The following EPHA6 variants were observed in gnomAD, a reference collection of about 807,000 sequenced individuals.
EPHA6 encodes EPH receptor A6.
Under a neutral mutation model 112.0 loss-of-function variants are expected in EPHA6, and 50 were observed. That is an observed-to-expected ratio of 0.45 (90% CI 0.36 to 0.56). EPHA6 has a LOEUF of 0.56. Among genes scored for constraint, EPHA6 ranks in the 20% least tolerant of loss-of-function variants. The pLI, the probability that EPHA6 is intolerant of heterozygous loss-of-function variation, is 0.00. For synonymous variants in EPHA6, 529 were observed against 490.7 expected (o/e 1.08, Z -1.03); for missense variants, 1,280 against 1,417.4 (o/e 0.90, Z 1.56).
chr3:97,289,629 A>G (rs1241502353), intron 5 of EPHA6, among the ~76,000 whole-genome samples: 1 of 151,966 alleles, frequency 6.6e-6, no homozygotes, highest in Non-Finnish European at 1.5e-5. Flanking sequence ...AGGAATAACA[A>G]TGAATCTGTA....
chr3:97,361,179 C>T (rs549780102), intron 5 of EPHA6, among the ~76,000 whole-genome samples: 4 of 152,274 alleles, frequency 2.6e-5, no homozygotes, highest in East Asian at 3.9e-4. Flanking sequence ...TCTAGGCAGC[C>T]GGCCTCATTA....
intron 4 of EPHA6, among the ~76,000 whole-genome samples, chr3:97,229,193 T>C (rs936276465): frequency 1.3e-5 from 2 of 152,222 alleles, no homozygotes; most frequent in Non-Finnish European, 2.9e-5. Context: ...GATTATTTCT[T>C]TTGCTGTGTG....
intron 3 of EPHA6, among the ~76,000 whole-genome samples, chr3:97,099,832 C>T (rs548551852): frequency 6.6e-6 from 1 of 152,110 alleles, no homozygotes; most frequent in South Asian, 2.1e-4. Context: ...CAAAGTCCCA[C>T]AGCTGACTAC....
chr3:97,355,374 A>G (rs561941474), intron 5 of EPHA6, among the ~76,000 whole-genome samples: 70 of 152,316 alleles, frequency 4.6e-4, no homozygotes, highest in African/African-American at 1.7e-3. Flanking sequence ...CAGGAGAGAT[A>G]AAGTTAGAGT....
chr3:97,149,774 T>G (rs563029942), intron 3 of EPHA6, among the ~76,000 whole-genome samples: 1 of 151,392 alleles, frequency 6.6e-6, no homozygotes, highest in Non-Finnish European at 1.5e-5. Flanking sequence ...TCAAATTTAT[T>G]ATCATTTTAA....
At chr3:97,543,311 A>C (rs995079763) in intron 11 of EPHA6, among the ~76,000 whole-genome samples, 1 of 152,100 alleles carries the variant, frequency 6.6e-6, no homozygotes, top group African/African-American at 2.4e-5. Context: ...CTTTCTACAT[A>C]TGGCTAGCCA....
intron 5 of EPHA6, among the ~76,000 whole-genome samples, chr3:97,313,796 C>A (rs1256122477): frequency 6.6e-6 from 1 of 151,474 alleles, no homozygotes; most frequent in Non-Finnish European, 1.5e-5. Context: ...CAGAGGTATT[C>A]TTTGCAAATA....
chr3:97,617,246 C>A (rs2093774495), intron 13 of EPHA6, among the ~76,000 whole-genome samples: 1 of 152,072 alleles, frequency 6.6e-6, no homozygotes, highest in Admixed American at 6.6e-5. Context: ...TCATCACCAC[C>A]AGACCTGTCT....
At chr3:96,835,052 A>G (rs1331694256) in intron 1 of EPHA6, among the ~76,000 whole-genome samples, 2 of 152,076 alleles carry the variant, frequency 1.3e-5, no homozygotes, top group Non-Finnish European at 2.9e-5. Flanking sequence ...ACAACACTTC[A>G]AAAACTGACA....
intron 10 of EPHA6, among the ~76,000 whole-genome samples, chr3:97,491,768 C>T (rs1222462727): frequency 6.6e-6 from 1 of 151,980 alleles, no homozygotes; most frequent in Non-Finnish European, 1.5e-5. Flanking sequence ...CACATAATGT[C>T]GGCCCTGTGA....
chr3:97,341,395 G>GC (rs1194450304), intron 5 of EPHA6, among the ~76,000 whole-genome samples: 3 of 150,354 alleles, frequency 2.0e-5, no homozygotes, highest in African/African-American at 7.4e-5. Context: ...TTGCTCTGTC[G>GC]CCAGGCTGGA....
chr3:97,286,469 C>T (rs1457250812), intron 5 of EPHA6, among the ~76,000 whole-genome samples: 1 of 152,076 alleles, frequency 6.6e-6, no homozygotes, highest in African/African-American at 2.4e-5. Flanking sequence ...TCCAGTTTTC[C>T]CAGCACTATT....
At chr3:97,337,714 C>G (rs1049312849) in intron 5 of EPHA6, among the ~76,000 whole-genome samples, 4 of 152,128 alleles carry the variant, frequency 2.6e-5, no homozygotes, top group Non-Finnish European at 5.9e-5. Flanking sequence ...ATGAGTCCAT[C>G]AGCCCCGAAA....
At chr3:97,471,688 C>T (rs866638915) in intron 7 of EPHA6, among the ~76,000 whole-genome samples, 2 of 151,658 alleles carry the variant, frequency 1.3e-5, no homozygotes, top group South Asian at 2.1e-4. Flanking sequence ...GGTAAATCTT[C>T]CCCACATATC....
At chr3:97,237,748 ATATTTCTCTT>A (rs2078723637) in intron 4 of EPHA6, among the ~76,000 whole-genome samples, 1 of 151,928 alleles carries the variant, frequency 6.6e-6, no homozygotes, top group African/African-American at 2.4e-5. Flanking sequence ...CGGATTTTTC[ATATTTCTCTT>A]TCCATTTCTA....
chr3:97,752,798 A>G lies in EPHA6; in HGVS notation c.*4097A>G, dbSNP rs1277237458. ...GAAGTTTATTATTAATATTTTAAAA[A>G]TTAGTATTTTAAGATCAATATCTGT... is the stretch of plus-strand genomic sequence containing the variant. On this transcript the variant is annotated 3_prime_UTR_variant, in exon 18 of 18. Coordinates refer to ENST00000389672, the MANE Select transcript of EPHA6 (RefSeq NM_001080448.3). Among the ~76,000 whole-genome samples, 3 of 152,016 alleles carry G rather than the reference A, an allele frequency of 2.0e-5. No homozygotes were observed. Among genetic ancestry groups the G allele is most frequent in the Non-Finnish European group, 2.9e-5 (2 of 67,952 alleles).
At chr3:97,518,983 C>T (rs1577648511) in intron 10 of EPHA6, among the ~76,000 whole-genome samples, 1 of 152,164 alleles carries the variant, frequency 6.6e-6, no homozygotes, top group East Asian at 1.9e-4. Flanking sequence ...CTTTGCTGTG[C>T]AGAGCTTTTT....
intron 7 of EPHA6, among the ~76,000 whole-genome samples, chr3:97,471,389 A>G (rs945241311): frequency 6.6e-6 from 1 of 151,688 alleles, no homozygotes; most frequent in African/African-American, 2.4e-5. Context: ...CTGAAAATCC[A>G]TGAGCACAGT....
At chr3:96,841,177 G>A (rs942167561) in intron 1 of EPHA6, among the ~76,000 whole-genome samples, 40 of 152,114 alleles carry the variant, frequency 2.6e-4, no homozygotes, top group Admixed American at 2.0e-3. Context: ...TGGTCAACTT[G>A]AAGTGGAGAG....
Sources: allele counts gnomAD v4.1 joint callset (sites outside exome capture counted in the v4.1 genomes callset), GRCh38; gene constraint gnomAD v4.1.1; transcripts MANE v1.5; gene names NCBI Gene and HGNC (gene_info 2026-07-23, HGNC 2026-07-21).